PIK3C2A: variants seen among roughly 807,000 people sequenced by gnomAD.
PIK3C2A encodes the protein phosphatidylinositol-4-phosphate 3-kinase catalytic subunit type 2 alpha.
Under a neutral mutation model 204.5 loss-of-function variants are expected in PIK3C2A, and 97 were observed. The ratio of observed to expected loss-of-function variants is 0.47; its 90% confidence interval spans 0.40 to 0.56. PIK3C2A has a LOEUF of 0.56. Among genes scored for constraint, PIK3C2A ranks in the 20% least tolerant of loss-of-function variants. The pLI is 0.00. For missense variants in PIK3C2A, 1,735 were observed against 1,969.2 expected (o/e 0.88, Z 2.25); for synonymous variants, 653 against 664.4 (o/e 0.98, Z 0.26).
intron 22 of PIK3C2A, 32 bp from the exon 23 acceptor site, chr11:17,105,337 C>T (rs1848775253): frequency 6.4e-7 from 1 of 1,559,738 alleles, no homozygotes; most frequent in Non-Finnish European, 8.7e-7. Context: ...CTATGTAAAA[C>T]TGTCTCTCCA....
chr11:17,132,092 C>A, intron 11 of PIK3C2A, 54 bp from the exon 12 acceptor site: 1 of 1,072,028 alleles, frequency 9.3e-7, no homozygotes, highest in Non-Finnish European at 1.4e-6. Context: ...AATTAGTTAA[C>A]TAATACAAAT....
rs569882194 is a variant in PIK3C2A, at chr11:17,178,713, A to ATTTTTTTTT, written c.-65-8916_-65-8908dup. On this transcript the variant is annotated intron_variant, in intron 1 of 32. Transcript: ENST00000691414. ...GCCACCACACCTGGTTGATTTTTGA[A>ATTTTTTTTT]TTTTTTTTTTTTTTTTTTTTTTTTT... Among the ~76,000 whole-genome samples, 4 of 9,826 alleles carry ATTTTTTTTT rather than the reference A, an allele frequency of 4.1e-4. 2 individuals carry two copies. Among genetic ancestry groups the ATTTTTTTTT allele is most frequent in the Admixed American group, 2.5e-3 (2 of 790 alleles). The allele number at this position is 9,826 out of a possible 152,430, so 6.4% of individuals were successfully genotyped here.
chr11:17,195,196 C>T (rs1852105850), intron 1 of PIK3C2A, among the ~76,000 whole-genome samples: 2 of 151,696 alleles, frequency 1.3e-5, no homozygotes, highest in Admixed American at 6.6e-5. Context: ...AGGTGGATCA[C>T]GAGGTTAAGA....
chr11:17,132,251 T>C (rs1424310846), intron 11 of PIK3C2A, among the ~76,000 whole-genome samples: 3 of 151,840 alleles, frequency 2.0e-5, no homozygotes, highest in Non-Finnish European at 4.4e-5. Context: ...AAAAGGGGAA[T>C]GTAAGTTCCT....
chr11:17,098,891 G>C (rs1848532780), intron 26 of PIK3C2A, among the ~76,000 whole-genome samples: 1 of 152,136 alleles, frequency 6.6e-6, no homozygotes, highest in Non-Finnish European at 1.5e-5. Flanking sequence ...GAACATATTT[G>C]TCAAGAAGAT....
At chr11:17,206,629 C>T (rs1338329613) in intron 1 of PIK3C2A, among the ~76,000 whole-genome samples, 2 of 151,654 alleles carry the variant, frequency 1.3e-5, no homozygotes, top group African/African-American at 2.4e-5. Context: ...TATGGCAGAG[C>T]TGCTAAAGGA....
At chr11:17,095,297 C>T (rs1228315979) in intron 27 of PIK3C2A, among the ~76,000 whole-genome samples, 1 of 150,874 alleles carries the variant, frequency 6.6e-6, no homozygotes. Flanking sequence ...TCCAGGCAGC[C>T]GGGCGCAGTG....
At chr11:17,179,753 G>C (rs1215095972) in intron 1 of PIK3C2A, among the ~76,000 whole-genome samples, 3 of 152,000 alleles carry the variant, frequency 2.0e-5, no homozygotes, top group Admixed American at 6.5e-5. Flanking sequence ...GAGTAGCTGA[G>C]ATTACCAGTA....
intron 27 of PIK3C2A, among the ~76,000 whole-genome samples, chr11:17,096,216 T>G (rs1460732927): frequency 6.6e-6 from 1 of 151,706 alleles, no homozygotes; most frequent in Non-Finnish European, 1.5e-5. Flanking sequence ...TTTTCATATT[T>G]TTATTAGAGA....
intron 8 of PIK3C2A, among the ~76,000 whole-genome samples, chr11:17,137,290 A>T (rs1049455418): frequency 2.0e-5 from 3 of 152,070 alleles, no homozygotes; most frequent in African/African-American, 7.2e-5. Context: ...TAGTCCTCGG[A>T]GCCTGTTTTC....
chr11:17,168,363 C>T (rs990537142), intron 2 of PIK3C2A, among the ~76,000 whole-genome samples: 15 of 152,068 alleles, frequency 9.9e-5, no homozygotes, highest in African/African-American at 7.2e-5. Flanking sequence ...GGGTGGATCA[C>T]GAGGTCAGGA....
At chr11:17,112,115 T>C (rs1385819550) in intron 21 of PIK3C2A, among the ~76,000 whole-genome samples, 1 of 152,030 alleles carries the variant, frequency 6.6e-6, no homozygotes, top group Admixed American at 6.6e-5. Flanking sequence ...TAAACTAAAA[T>C]TCTTCATCCT....
At chr11:17,178,226 T>A (rs940950408) in intron 1 of PIK3C2A, among the ~76,000 whole-genome samples, 1 of 150,868 alleles carries the variant, frequency 6.6e-6, no homozygotes, top group Non-Finnish European at 1.5e-5. Flanking sequence ...AATATAAAAA[T>A]ATGAAATATT....
intron 1 of PIK3C2A, among the ~76,000 whole-genome samples, chr11:17,190,533 T>C (rs1591017003): frequency 6.8e-6 from 1 of 147,532 alleles, no homozygotes; most frequent in African/African-American, 2.5e-5. Context: ...ATTGCGCCAC[T>C]GCACTCCATC....
intron 17 of PIK3C2A, 40 bp downstream of exon 17, chr11:17,119,180 A>T (rs1392343372): frequency 8.9e-7 from 1 of 1,125,570 alleles, no homozygotes; most frequent in Non-Finnish European, 1.3e-6. Flanking sequence ...AAAAAACTAG[A>T]GTGAAAGTAT....
chr11:17,097,440 C>A (rs1165022012), intron 26 of PIK3C2A, among the ~76,000 whole-genome samples, 176 bp from the exon 27 acceptor site: 1 of 152,164 alleles, frequency 6.6e-6, no homozygotes, highest in Non-Finnish European at 1.5e-5. Context: ...CATCTCACCC[C>A]AACAAAATAA....
At chr11:17,179,132 T>C (rs1851445473) in intron 1 of PIK3C2A, among the ~76,000 whole-genome samples, 1 of 152,170 alleles carries the variant, frequency 6.6e-6, no homozygotes, top group African/African-American at 2.4e-5. Context: ...CCCAAAATGC[T>C]GGGATTACAG....
In PIK3C2A at chr11:17,102,817, A is replaced by G. The variant is rs1848683949; in HGVS notation, c.3696T>C (p.Phe1232=). The change falls in exon 24 of 33, where the codon TTT becomes TTC. Residue 1232 remains phenylalanine, a synonymous_variant. Transcript: ENST00000691414. ...CACAGCATCCAGCACAGGAATAGAT[A>G]AAGTTCTCTGAAGCCTATAAAAAAC... ...EEEYEKASEN[F]IYSCAGCCVA... is the part of the protein sequence containing the mutation. 6.3e-7 allele frequency: 1 copy of G among 1,596,348 alleles called. No homozygotes were observed. Among genetic ancestry groups the G allele is most frequent in the Non-Finnish European group, 8.5e-7 (1 of 1,171,464 alleles).
intron 1 of PIK3C2A, among the ~76,000 whole-genome samples, chr11:17,203,713 T>A (rs1852464002): frequency 6.6e-6 from 1 of 152,094 alleles, no homozygotes; most frequent in Admixed American, 6.6e-5. Flanking sequence ...TGTCTCACTC[T>A]GTTACCCAAG....
Sources: gnomAD v4.1 joint callset for allele counts (sites outside exome capture counted in the v4.1 genomes callset) on GRCh38, gnomAD v4.1.1 for gene constraint, MANE v1.5 for transcripts, NCBI Gene and HGNC (gene_info 2026-07-23, HGNC 2026-07-21) for gene names.